Variants in ADAMTSL1 observed in about 807,000 individuals in gnomAD.
The protein encoded by ADAMTSL1 is ADAMTS-like protein 1.
ADAMTSL1 carries 126 observed loss-of-function variants against 201.8 expected under a neutral mutation model. The ratio of observed to expected loss-of-function variants is 0.62; its 90% confidence interval spans 0.54 to 0.72. The LOEUF is 0.72. Among genes scored for constraint, ADAMTSL1 ranks in the 30% least tolerant of loss-of-function variants. The probability of loss-of-function intolerance (pLI) is 0.00; values close to 1 mark genes in which losing one functional copy is unlikely to be tolerated. For missense variants in ADAMTSL1, 2,679 were observed against 2,277.8 expected (o/e 1.18, Z -3.59); for synonymous variants, 1,121 against 903.4 (o/e 1.24, Z -4.32).
chr9:18,827,089 C>T (rs533615064), intron 22 of ADAMTSL1, among the ~76,000 whole-genome samples: 23 of 151,636 alleles, frequency 1.5e-4, no homozygotes, highest in Non-Finnish European at 2.5e-4. Context: ...AAGCTATAAC[C>T]GTTTTTGCCC....
chr9:18,147,902 GGA>G (rs1169517107), intron 1 of ADAMTSL1, among the ~76,000 whole-genome samples: 1 of 152,012 alleles, frequency 6.6e-6, no homozygotes, highest in Admixed American at 6.6e-5. Context: ...TCTCCATATT[GGA>G]GATACCAGCT....
intron 1 of ADAMTSL1, among the ~76,000 whole-genome samples, chr9:18,083,261 G>T (rs970246299): frequency 6.6e-6 from 1 of 152,184 alleles, no homozygotes; most frequent in African/African-American, 2.4e-5. Context: ...TGGTAAGTAG[G>T]TTCAGACACT....
intron 5 of ADAMTSL1, among the ~76,000 whole-genome samples, chr9:18,627,827 T>A (rs146339908): frequency 1.3e-5 from 2 of 152,318 alleles, no homozygotes; most frequent in African/African-American, 4.8e-5. Flanking sequence ...CATTCACAGA[T>A]TTAAGGACAT....
chr9:17,978,966 T>TA (rs1166645756), intron 1 of ADAMTSL1, among the ~76,000 whole-genome samples: 1 of 151,654 alleles, frequency 6.6e-6, no homozygotes, highest in Non-Finnish European at 1.5e-5. Flanking sequence ...TGACAGTTTT[T>TA]TTTTTTCTTT....
At chr9:18,750,451 G>A (rs949572688) in intron 15 of ADAMTSL1, among the ~76,000 whole-genome samples, 1 of 152,156 alleles carries the variant, frequency 6.6e-6, no homozygotes, top group Admixed American at 6.5e-5. Flanking sequence ...GTTGCTTATT[G>A]TTGCAGTTTA....
intron 2 of ADAMTSL1, among the ~76,000 whole-genome samples, chr9:18,301,387 C>T (rs1247077766): frequency 1.3e-5 from 2 of 152,134 alleles, no homozygotes; most frequent in Non-Finnish European, 1.5e-5. Context: ...GTAGTTCCCC[C>T]TTTTCCACTG....
intron 26 of ADAMTSL1, among the ~76,000 whole-genome samples, chr9:18,904,795 A>G (rs112793906): frequency 6.9e-6 from 1 of 145,664 alleles, no homozygotes; most frequent in Non-Finnish European, 1.5e-5. Context: ...AATAGTGTCA[A>G]ACTGGGCCCT....
intron 26 of ADAMTSL1, among the ~76,000 whole-genome samples, chr9:18,904,183 T>C (rs1255254719): frequency 6.6e-6 from 1 of 152,096 alleles, no homozygotes; most frequent in Non-Finnish European, 1.5e-5. Flanking sequence ...AAAAGTTATT[T>C]TTTGGCCAGG....
intron 22 of ADAMTSL1, among the ~76,000 whole-genome samples, chr9:18,829,360 G>C (rs1207194091): frequency 6.6e-6 from 1 of 152,102 alleles, no homozygotes; most frequent in Non-Finnish European, 1.5e-5. Context: ...TCATAGAAAA[G>C]GGTCCTTTTA....
At chr9:18,231,762 G>A (rs565245090) in intron 2 of ADAMTSL1, among the ~76,000 whole-genome samples, 2 of 152,188 alleles carry the variant, frequency 1.3e-5, no homozygotes, top group Non-Finnish European at 2.9e-5. Context: ...CCCCATGTCA[G>A]TTAGTAGCTA....
chr9:18,615,309 G>C (rs1825627812), intron 4 of ADAMTSL1, among the ~76,000 whole-genome samples: 1 of 152,226 alleles, frequency 6.6e-6, no homozygotes, highest in Non-Finnish European at 1.5e-5. Context: ...ATGTATGCCT[G>C]CCTGTGTGGC....
intron 2 of ADAMTSL1, among the ~76,000 whole-genome samples, chr9:18,189,814 C>T (rs1178393705): frequency 2.0e-5 from 3 of 152,030 alleles, no homozygotes; most frequent in African/African-American, 7.2e-5. Context: ...TTATGCTGGC[C>T]AGTTCTGTGG....
At chr9:18,878,555 G>T (rs542544906) in intron 23 of ADAMTSL1, among the ~76,000 whole-genome samples, 1 of 152,312 alleles carries the variant, frequency 6.6e-6, no homozygotes, top group East Asian at 1.9e-4. Context: ...CTGTGATCTA[G>T]ACCTTCAGGT....
chr9:18,870,244 G>C (rs1411074329), intron 23 of ADAMTSL1, among the ~76,000 whole-genome samples: 2 of 152,158 alleles, frequency 1.3e-5, no homozygotes, highest in African/African-American at 4.8e-5. Context: ...CTCTTTTGCT[G>C]AAATATTGGT....
intron 4 of ADAMTSL1, among the ~76,000 whole-genome samples, chr9:18,619,369 G>C (rs1011296360): frequency 6.6e-6 from 1 of 151,784 alleles, no homozygotes; most frequent in Non-Finnish European, 1.5e-5. Flanking sequence ...TGAGTTAGAA[G>C]ATTTTGGCAT....
chr9:18,101,012 G>A (rs1261602760), intron 1 of ADAMTSL1, among the ~76,000 whole-genome samples: 3 of 152,132 alleles, frequency 2.0e-5, no homozygotes. Flanking sequence ...GGATGCATGG[G>A]GATATGCTGT....
At position 18,160,847 on chromosome 9, in the gene ADAMTSL1, A is replaced by ATT. The variant is rs35532729; in HGVS notation, c.88-2993_88-2992dup. Among the ~76,000 whole-genome samples, 178 of 119,224 alleles carry ATT rather than the reference A, an allele frequency of 1.5e-3. 1 individual carries two copies. The highest frequency in any genetic ancestry group is 4.4e-3 in the Middle Eastern group (1 of 226). 78.2% of individuals were successfully genotyped at this position (119,224 alleles called of 152,430 possible). A position where few individuals can be genotyped will look rare whatever the true frequency, so the allele number is the denominator to read the frequency against. On this transcript the variant is annotated intron_variant, in intron 1 of 29. Coordinates refer to the ADAMTSL1 transcript ENST00000680146. ...TGCACATACCACCATACCTGGCTAAATTTTTTTTTTTTTTTTTTTTTTTAA... is the reference window on the plus strand; with the variant it reads ...TGCACATACCACCATACCTGGCTAAATTTTTTTTTTTTTTTTTTTTTTTTTAA...
intron 2 of ADAMTSL1, among the ~76,000 whole-genome samples, chr9:18,529,773 A>T (rs1375505511): frequency 3.9e-5 from 6 of 152,174 alleles, no homozygotes; most frequent in Non-Finnish European, 8.8e-5. Context: ...ATTTCAGTCA[A>T]ATTAAAGAAG....
At chr9:18,826,217 C>G in intron 21 of ADAMTSL1, 67 bp from the exon 22 acceptor site, 1 of 1,541,116 alleles carries the variant, frequency 6.5e-7, no homozygotes, top group Non-Finnish European at 8.8e-7. Flanking sequence ...GCTATAAATG[C>G]CTCTGGGCTC....
Sources: allele counts gnomAD v4.1 joint callset (sites outside exome capture counted in the v4.1 genomes callset), GRCh38; gene constraint gnomAD v4.1.1; transcripts MANE v1.5; gene names NCBI Gene and HGNC (gene_info 2026-07-23, HGNC 2026-07-21).